The following EYS variants were observed in gnomAD, a reference collection of about 807,000 sequenced individuals.
EYS encodes EGF-like photoreceptor maintenance factor.
A neutral mutation model predicts 282.1 loss-of-function variants in EYS; 250 were observed. That is an observed-to-expected ratio of 0.89 (90% confidence interval 0.80 to 0.98). The LOEUF (loss-of-function observed/expected upper bound fraction) is 0.98. EYS is among the 50% of genes least tolerant of loss of function. The probability of loss-of-function intolerance (pLI) is 0.00; values close to 1 mark genes in which losing one functional copy is unlikely to be tolerated. For synonymous variants in EYS, 1,355 were observed against 1,282.9 expected (o/e 1.06, Z -1.20); for missense variants, 4,016 against 3,709.0 (o/e 1.08, Z -2.15).
At chr6:64,967,914 C>T (rs958005669) in intron 14 of EYS, among the ~76,000 whole-genome samples, 1 of 152,168 alleles carries the variant, frequency 6.6e-6, no homozygotes, top group Non-Finnish European at 1.5e-5. Flanking sequence ...TCTATCCCCT[C>T]AACATGAATT....
chr6:64,211,636 C>G (rs1765776652), intron 31 of EYS, among the ~76,000 whole-genome samples: 1 of 146,156 alleles, frequency 6.8e-6, no homozygotes, highest in Admixed American at 6.8e-5. Flanking sequence ...TTAAATTTAG[C>G]AAAATTTAAT....
At chr6:64,726,158 G>C (rs1201064812) in intron 22 of EYS, among the ~76,000 whole-genome samples, 1 of 151,034 alleles carries the variant, frequency 6.6e-6, no homozygotes, top group Non-Finnish European at 1.5e-5. Flanking sequence ...ACCCTCGAGG[G>C]CCCAATTCAA....
chr6:63,825,512 C>T lies in EYS; in HGVS notation c.7229-19140G>A, dbSNP rs114491724. Reference sequence around the variant, plus strand: ...TCCATCGTGCCCTTCGCCACCTCAACGAGAACAGGTGCTGGTATCCATGGC... The same window carrying T: ...TCCATCGTGCCCTTCGCCACCTCAATGAGAACAGGTGCTGGTATCCATGGC... On this transcript the variant is annotated intron_variant, in intron 36 of 42. Coordinates refer to ENST00000503581, the MANE Select transcript of EYS (RefSeq NM_001142800.2). 9.2e-3 allele frequency among the ~76,000 whole-genome samples: 1,394 copies of T among 152,270 alleles called. 21 individuals are homozygous for T. Among genetic ancestry groups the T allele is most frequent in the African/African-American group, 0.03 (1,255 of 41,542 alleles).
At chr6:65,341,795 C>T (rs1448299212) in intron 10 of EYS, among the ~76,000 whole-genome samples, 1 of 151,240 alleles carries the variant, frequency 6.6e-6, no homozygotes, top group African/African-American at 2.4e-5. Context: ...CTACCAGAAT[C>T]TAGATAAACT....
intron 11 of EYS, among the ~76,000 whole-genome samples, chr6:65,332,941 T>C (rs1045129308): frequency 1.3e-5 from 2 of 151,386 alleles, no homozygotes; most frequent in African/African-American, 4.8e-5. Context: ...TTCTTTATAA[T>C]TATTTTTCTT....
chr6:65,033,046 C>G (rs905858792), intron 13 of EYS, among the ~76,000 whole-genome samples: 4 of 152,158 alleles, frequency 2.6e-5, no homozygotes, highest in African/African-American at 9.7e-5. Context: ...GCATTCTGTT[C>G]ATGCCCTAGG....
At chr6:64,926,716 A>G (rs1768529129) in intron 15 of EYS, among the ~76,000 whole-genome samples, 1 of 152,164 alleles carries the variant, frequency 6.6e-6, no homozygotes, top group Non-Finnish European at 1.5e-5. Context: ...CACAGTGTGA[A>G]TCTTTACACA....
chr6:64,599,093 A>C (rs1175260099), intron 24 of EYS, among the ~76,000 whole-genome samples: 1 of 152,198 alleles, frequency 6.6e-6, no homozygotes, highest in Non-Finnish European at 1.5e-5. Context: ...GAAACCAGAT[A>C]ATGTGGCTTC....
chr6:65,413,462 A>G lies in EYS; in HGVS notation c.863-8095T>C, dbSNP rs903987122. Among the ~76,000 whole-genome samples the G allele has an allele frequency of 4.9e-4, 74 of 152,158 alleles. 1 individual carries two copies. Among genetic ancestry groups the G allele is most frequent in the African/African-American group, 1.8e-3 (74 of 41,458 alleles). ...AAAATAAATCAGTAAAAGGATTTCT[A>G]AGAAGAGTACTTAAGAGAGGGGGCA... On this transcript the variant is annotated intron_variant, in intron 5 of 42. Transcript: ENST00000503581.
chr6:65,035,496 C>CA (rs1347592191), intron 13 of EYS, among the ~76,000 whole-genome samples: 1 of 151,962 alleles, frequency 6.6e-6, no homozygotes, highest in East Asian at 1.9e-4. Context: ...TTTCAGGATA[C>CA]AAAATCAATG....
intron 35 of EYS, among the ~76,000 whole-genome samples, chr6:63,971,531 A>T (rs776114574): frequency 6.6e-6 from 1 of 152,184 alleles, no homozygotes. Context: ...AGTTTTCTCC[A>T]TGGGAGAAGA....
At chr6:64,206,300 C>T (rs560424228) in intron 31 of EYS, among the ~76,000 whole-genome samples, 3 of 152,244 alleles carry the variant, frequency 2.0e-5, no homozygotes, top group South Asian at 2.1e-4. Flanking sequence ...TGACTCTTCA[C>T]GTTTTGTTCC....
chr6:64,413,322 T>A (rs115849555), intron 28 of EYS, among the ~76,000 whole-genome samples: 2 of 152,066 alleles, frequency 1.3e-5, no homozygotes, highest in Non-Finnish European at 2.9e-5. Flanking sequence ...TTCTCAGCCA[T>A]CATTAGTCTC....
rs76203593 is a variant in EYS at position 64,825,922 on chromosome 6, T to TAA, written c.2993-3102_2993-3101dup. Among the ~76,000 whole-genome samples the TAA allele has an allele frequency of 8.9e-3, 1,330 of 149,716 alleles. 20 individuals carry two copies. The highest frequency in any genetic ancestry group is 0.03 in the African/African-American group (1,214 of 40,710). On this transcript the variant is annotated intron_variant, in intron 19 of 42. Coordinates refer to ENST00000503581, the MANE Select transcript of EYS (RefSeq NM_001142800.2). ...AAGTGCACATATATATATATATATA[T>TAA]AAATACATATGCTCCCTGATTATTA...
In EYS at chr6:65,610,044, G is replaced by A. The variant is rs188640224; in HGVS notation, c.-333+29734C>T. ...CTCCCTAGCAGTTGGGACTACAGGT[G>A]CATGCCACCACGCCTGGCTAGTTTT... is the stretch of plus-strand genomic sequence containing the variant. On this transcript the variant is annotated intron_variant, in intron 2 of 42. Coordinates refer to ENST00000503581, the MANE Select transcript of EYS (RefSeq NM_001142800.2). 2.6e-5 allele frequency among the ~76,000 whole-genome samples: 4 copies of A among 152,064 alleles called. No homozygotes were observed. In the East Asian group the frequency reaches 7.8e-4, roughly 30 times the overall value.
chr6:65,425,781 C>A (rs1416778654), intron 5 of EYS, among the ~76,000 whole-genome samples: 1 of 152,082 alleles, frequency 6.6e-6, no homozygotes, highest in Non-Finnish European at 1.5e-5. Flanking sequence ...TTGCCAAAGT[C>A]TCTTCCTGGA....
At chr6:64,555,529 G>A (rs1025918191) in intron 26 of EYS, among the ~76,000 whole-genome samples, 1 of 151,884 alleles carries the variant, frequency 6.6e-6, no homozygotes, top group Non-Finnish European at 1.5e-5. Flanking sequence ...GGTAATGCAT[G>A]TGTTAATTAT....
chr6:63,784,342 T>C (rs1770311548), intron 39 of EYS, among the ~76,000 whole-genome samples: 2 of 152,196 alleles, frequency 1.3e-5, no homozygotes, highest in African/African-American at 4.8e-5. Context: ...ATAGATTTTA[T>C]TGAATTAAAA....
At chr6:63,851,583 A>T (rs1035205675) in intron 36 of EYS, among the ~76,000 whole-genome samples, 1 of 152,196 alleles carries the variant, frequency 6.6e-6, no homozygotes, top group East Asian at 1.9e-4. Context: ...CTGGGTAAAT[A>T]AAGAAATTAA....
Sources: gnomAD v4.1 joint callset for allele counts (sites outside exome capture counted in the v4.1 genomes callset) on GRCh38, gnomAD v4.1.1 for gene constraint, MANE v1.5 for transcripts, NCBI Gene and HGNC (gene_info 2026-07-23, HGNC 2026-07-21) for gene names.